Variants in TANGO6 observed in about 807,000 individuals in gnomAD.
TANGO6 encodes transport and Golgi organization protein 6 homolog.
In TANGO6, 90 loss-of-function variants were observed where a neutral mutation model predicts 114.2. The ratio of observed to expected loss-of-function variants is 0.79; its 90% CI spans 0.66 to 0.94. TANGO6 has a LOEUF of 0.94. TANGO6 is among the 40% of genes least tolerant of loss of function. The pLI, the probability that TANGO6 is intolerant of heterozygous loss-of-function variation, is 0.00. For missense variants in TANGO6, 1,274 were observed against 1,315.3 expected, an observed-to-expected ratio of 0.97 and a Z score of 0.49; for synonymous variants, 477 against 509.8, an observed-to-expected ratio of 0.94 and a Z score of 0.87.
At chr16:68,935,667 G>A (rs890743121) in intron 14 of TANGO6, among the ~76,000 whole-genome samples, 11 of 152,130 alleles carry the variant, frequency 7.2e-5, no homozygotes, top group East Asian at 1.9e-4. Context: ...TCTGAGTTCC[G>A]GTTACCCTAT....
Position 68,879,343 on chromosome 16 carries a change from C to T in TANGO6, c.1294+1063C>T, listed in dbSNP as rs116301664. On this transcript the variant is annotated intron_variant, in intron 6 of 17. Transcript: ENST00000261778. ...GAAAAAATTTTAAAAATTAGCTGGGCGTGGTGGTGCACGCCTGTATTCCCA... is the reference window on the plus strand; with the variant it reads ...GAAAAAATTTTAAAAATTAGCTGGGTGTGGTGGTGCACGCCTGTATTCCCA... 8.1e-3 allele frequency among the ~76,000 whole-genome samples: 1,232 copies of T among 151,168 alleles called. 15 individuals are homozygous for T. Among genetic ancestry groups the T allele is most frequent in the African/African-American group, 0.026 (1,092 of 41,224 alleles).
At chr16:69,075,745 C>T (rs1367132878) in intron 17 of TANGO6, among the ~76,000 whole-genome samples, 2 of 151,262 alleles carry the variant, frequency 1.3e-5, no homozygotes, top group African/African-American at 4.9e-5. Flanking sequence ...TAAGCCATTG[C>T]ACCCAGCTGA....
At position 68,851,900 on chromosome 16, in the gene TANGO6, TTTCTC is replaced by T. The variant is rs758199105; in HGVS notation, c.95-7981_95-7977del. Among the ~76,000 whole-genome samples the T allele has an allele frequency of 1.1e-4, 16 of 152,172 alleles. No individual in the cohort carries two copies. The East Asian group carries it at 1.9e-3, about 18-fold the overall frequency. ...TATTTCAGTATAACTTTAATTTACT[TTTCTC>T]TTATTATGAGCAAGATTGATCATAT... On this transcript the variant is annotated intron_variant, in intron 1 of 17. Transcript: ENST00000261778.
chr16:69,055,445 T>A (rs1960018738), intron 17 of TANGO6, among the ~76,000 whole-genome samples: 1 of 152,326 alleles, frequency 6.6e-6, no homozygotes, highest in Admixed American at 6.5e-5. Context: ...GGCCCAGTGT[T>A]ATATCCAACA....
chr16:68,889,398 A>G lies in TANGO6; in HGVS notation c.1377+8768A>G, dbSNP rs145525467. On this transcript the variant is annotated intron_variant, in intron 7 of 17. Transcript: ENST00000261778. ...TGTGAAGTGACTTGTTCCAAATCAT[A>G]CAGCTGGGGAGTGGCAGAGCAAGTC... Among the ~76,000 whole-genome samples the G allele has an allele frequency of 6.6e-5, 10 of 152,330 alleles. No homozygotes were observed. In the East Asian group the frequency reaches 1.5e-3, roughly 23 times the overall value.
Position 69,055,450 on chromosome 16 carries a change from C to G in TANGO6, c.3108+15029C>G, listed in dbSNP as rs542045352. Among the ~76,000 whole-genome samples the G allele has an allele frequency of 2.9e-4, 44 of 152,312 alleles. No individual in the cohort carries two copies. The Middle Eastern group carries it at 0.01, about 35-fold the overall frequency. Reference sequence around the variant, plus strand: ...CACTGATGGTGGCCCAGTGTTATATCCAACACTCAGATTCCCTTTCTAGAC... The same window carrying G: ...CACTGATGGTGGCCCAGTGTTATATGCAACACTCAGATTCCCTTTCTAGAC... On this transcript the variant is annotated intron_variant, in intron 17 of 17. Transcript: ENST00000261778.
At chr16:69,045,920 C>T (rs1448153983) in intron 17 of TANGO6, among the ~76,000 whole-genome samples, 1 of 149,068 alleles carries the variant, frequency 6.7e-6, no homozygotes, top group East Asian at 2.0e-4. Flanking sequence ...AAAAATTAGC[C>T]GGGCGTGGTG....
intron 16 of TANGO6, among the ~76,000 whole-genome samples, chr16:69,037,643 A>G (rs1202001268): frequency 6.6e-6 from 1 of 152,200 alleles, no homozygotes; most frequent in Non-Finnish European, 1.5e-5. Context: ...TTAGGACTGA[A>G]TTGCTTCTAC....
chr16:68,991,204 A>G (rs1963943480), intron 15 of TANGO6, among the ~76,000 whole-genome samples: 1 of 152,228 alleles, frequency 6.6e-6, no homozygotes, highest in South Asian at 2.1e-4. Flanking sequence ...AGAGCTGAGC[A>G]GAGGAGTCTA....
chr16:68,913,089 AAAC>A (rs1274155637), intron 11 of TANGO6, among the ~76,000 whole-genome samples: 1 of 151,518 alleles, frequency 6.6e-6, no homozygotes, highest in Non-Finnish European at 1.5e-5. Flanking sequence ...AAAAAAAAAA[AAAC>A]AGGGTAATAA....
chr16:69,028,317 T>C (rs1959538708), intron 16 of TANGO6, among the ~76,000 whole-genome samples: 1 of 151,870 alleles, frequency 6.6e-6, no homozygotes, highest in Non-Finnish European at 1.5e-5. Flanking sequence ...TCACACACTA[T>C]ACAATTCACC....
intron 15 of TANGO6, among the ~76,000 whole-genome samples, chr16:68,983,130 G>A (rs550183029): frequency 6.6e-5 from 10 of 152,094 alleles, no homozygotes; most frequent in Admixed American, 2.0e-4. Context: ...AACTACAGGC[G>A]TGAGCCACCG....
At chr16:68,931,924 G>A (rs776920226) in intron 14 of TANGO6, among the ~76,000 whole-genome samples, 23 of 151,706 alleles carry the variant, frequency 1.5e-4, no homozygotes, top group Middle Eastern at 3.4e-3. Flanking sequence ...GCACAATCTT[G>A]GCTCACTGCA....
intron 11 of TANGO6, among the ~76,000 whole-genome samples, chr16:68,915,104 G>T (rs556179766): frequency 1.3e-5 from 2 of 149,892 alleles, no homozygotes; most frequent in Non-Finnish European, 3.0e-5. Context: ...AACCCGGGAG[G>T]TGGAGGTCAC....
At chr16:68,941,182 TTAAG>T (rs1285621770) in intron 14 of TANGO6, among the ~76,000 whole-genome samples, 5 of 152,168 alleles carry the variant, frequency 3.3e-5, no homozygotes, top group South Asian at 2.1e-4. Flanking sequence ...TTTGGAGGGA[TTAAG>T]TAAGGAAAAG....
chr16:68,892,511 CTTT>C (rs57046490), intron 7 of TANGO6, among the ~76,000 whole-genome samples: 3 of 138,260 alleles, frequency 2.2e-5, no homozygotes, highest in Admixed American at 7.3e-5. Flanking sequence ...TTCAGTCTTT[CTTT>C]TTTTTTTTTT....
intron 14 of TANGO6, among the ~76,000 whole-genome samples, chr16:68,966,284 G>A (rs138429707): frequency 1.5e-3 from 233 of 152,096 alleles, no homozygotes; most frequent in African/African-American, 5.0e-3. Flanking sequence ...AGCACTTTGG[G>A]AGGCCAAGGC....
chr16:68,999,903 C>T (rs1964024164), intron 15 of TANGO6, among the ~76,000 whole-genome samples: 1 of 152,176 alleles, frequency 6.6e-6, no homozygotes, highest in Admixed American at 6.5e-5. Context: ...GTTTTAGTGG[C>T]ACACTTTCCA....
At chr16:68,845,955 C>T (rs1482558649) in intron 1 of TANGO6, among the ~76,000 whole-genome samples, 4 of 151,688 alleles carry the variant, frequency 2.6e-5, no homozygotes, top group African/African-American at 9.7e-5. Context: ...CGGGTTCGAG[C>T]AATTCTCATG....
Sources: gnomAD v4.1 joint callset for allele counts (sites outside exome capture counted in the v4.1 genomes callset) on GRCh38, gnomAD v4.1.1 for gene constraint, MANE v1.5 for transcripts, NCBI Gene and HGNC (gene_info 2026-07-23, HGNC 2026-07-21) for gene names.